Variants in SULF1 observed in about 807,000 individuals in gnomAD.
The protein encoded by SULF1 is sulfatase 1.
In SULF1, 46 loss-of-function variants were observed where a neutral mutation model predicts 110.5. That is an observed-to-expected ratio of 0.42 (90% CI 0.33 to 0.53). The LOEUF (loss-of-function observed/expected upper bound fraction) is 0.53, where lower values mean the gene tolerates loss of function less well. Ranked by LOEUF, SULF1 falls within the 20% of genes least tolerant of loss-of-function variation. SULF1 has a pLI of 0.12. For synonymous variants in SULF1, 371 were observed against 387.1 expected, an observed-to-expected ratio of 0.96 and a Z score of 0.49; for missense variants, 941 against 1,094.2, an observed-to-expected ratio of 0.86 and a Z score of 1.98.
rs1473563173 is a variant in SULF1, at chr8:69,605,500, T to G, written c.1377+568T>G. Among the ~76,000 whole-genome samples, 4 of 152,326 alleles carry G rather than the reference T, an allele frequency of 2.6e-5. No individual in the cohort carries two copies. In the South Asian group the frequency reaches 8.3e-4, roughly 32 times the overall value. Reference sequence around the variant, plus strand: ...CATTAGAATAGATCCTCTTCGTTAGTAGAAATATTACTATAGACCCCAGAG... The same window carrying G: ...CATTAGAATAGATCCTCTTCGTTAGGAGAAATATTACTATAGACCCCAGAG... On this transcript the variant is annotated intron_variant, in intron 13 of 22. Coordinates refer to ENST00000402687, the MANE Select transcript of SULF1 (RefSeq NM_001128205.2).
At chr8:69,543,223 T>C (rs1411489847) in intron 3 of SULF1, among the ~76,000 whole-genome samples, 2 of 152,100 alleles carry the variant, frequency 1.3e-5, no homozygotes, top group Admixed American at 6.5e-5. Flanking sequence ...TGTTGTTGTT[T>C]ATTTCTTTTA....
chr8:69,556,203 G>GA, intron 3 of SULF1, among the ~76,000 whole-genome samples: 1 of 152,268 alleles, frequency 6.6e-6, no homozygotes, highest in South Asian at 2.1e-4. Flanking sequence ...GGGTACTAGT[G>GA]AAATGTAATG....
chr8:69,468,948 C>A (rs552643679), intron 1 of SULF1, among the ~76,000 whole-genome samples: 7 of 152,198 alleles, frequency 4.6e-5, no homozygotes, highest in African/African-American at 1.7e-4. Context: ...AGGACTTTGA[C>A]AGTATGGGAC....
At chr8:69,566,519 A>T (rs1253953502) in intron 5 of SULF1, among the ~76,000 whole-genome samples, 2 of 151,922 alleles carry the variant, frequency 1.3e-5, no homozygotes, top group Non-Finnish European at 2.9e-5. Context: ...TTTGCCTTTA[A>T]CTCCTTCCTT....
In SULF1 at chr8:69,483,080, A is replaced by G. The variant is rs74475391; in HGVS notation, c.-390-12685A>G. On this transcript the variant is annotated intron_variant, in intron 1 of 22. Transcript: ENST00000260128. Reference sequence around the variant, plus strand: ...TCAAAGTATATCGGAAGATGTGTGTAGATTATATGCAAATATTATGTCATC... The same window carrying G: ...TCAAAGTATATCGGAAGATGTGTGTGGATTATATGCAAATATTATGTCATC... Among the ~76,000 whole-genome samples, 626 of 152,332 alleles carry G rather than the reference A, an allele frequency of 4.1e-3. 8 individuals are homozygous for G. Among genetic ancestry groups the G allele is most frequent in the Admixed American group, 0.026 (391 of 15,298 alleles).
At chr8:69,502,986 CTGCTTGATTTT>C (rs1810922776) in intron 3 of SULF1, among the ~76,000 whole-genome samples, 1 of 152,096 alleles carries the variant, frequency 6.6e-6, no homozygotes, top group African/African-American at 2.4e-5. Flanking sequence ...CACAACCAGC[CTGCTTGATTTT>C]TATTCTAAGC....
chr8:69,548,176 C>T (rs1263699873), intron 3 of SULF1, among the ~76,000 whole-genome samples: 1 of 152,162 alleles, frequency 6.6e-6, no homozygotes, highest in African/African-American at 2.4e-5. Flanking sequence ...AACAAGCCAC[C>T]TCCTGGTGTC....
chr8:69,516,466 T>G (rs4737281), intron 3 of SULF1, among the ~76,000 whole-genome samples: 79,693 of 151,864 alleles, frequency 0.52, 21,609 homozygotes, highest in South Asian at 0.65. Flanking sequence ...CATGATCAAA[T>G]TACCGCCTAC....
chr8:69,597,308 C>A (rs913880325), intron 8 of SULF1: 1 of 152,272 alleles, frequency 6.6e-6, no homozygotes, highest in Admixed American at 6.5e-5. Context: ...GACCTTCCAC[C>A]TGCAGGTCCC....
intron 5 of SULF1, among the ~76,000 whole-genome samples, chr8:69,572,938 C>A (rs916020993): frequency 6.6e-6 from 1 of 152,188 alleles, no homozygotes; most frequent in African/African-American, 2.4e-5. Context: ...AGCAATTCTC[C>A]TGCCTCAGCC....
intron 14 of SULF1, among the ~76,000 whole-genome samples, chr8:69,621,842 T>C (rs1809633269): frequency 6.6e-6 from 1 of 152,214 alleles, no homozygotes. Flanking sequence ...AACCTACGAT[T>C]ATATAAATGT....
intron 5 of SULF1, among the ~76,000 whole-genome samples, chr8:69,570,114 C>CCTTA (rs1236889250): frequency 6.6e-6 from 1 of 152,104 alleles, no homozygotes; most frequent in African/African-American, 2.4e-5. Context: ...AAAGCATTAG[C>CCTTA]CTTACTTCAT....
intron 3 of SULF1, among the ~76,000 whole-genome samples, chr8:69,548,070 C>G (rs983916069): frequency 6.6e-6 from 1 of 152,136 alleles, no homozygotes; most frequent in Non-Finnish European, 1.5e-5. Flanking sequence ...ATGATGCCCC[C>G]CTACACAAGC....
At chr8:69,581,281 T>C (rs1806045176) in intron 6 of SULF1, among the ~76,000 whole-genome samples, 1 of 152,246 alleles carries the variant, frequency 6.6e-6, no homozygotes, top group Non-Finnish European at 1.5e-5. Context: ...TATCTTTTGA[T>C]ACATTAAATA....
intron 8 of SULF1, among the ~76,000 whole-genome samples, chr8:69,590,308 C>T (rs1386235175): frequency 6.6e-6 from 1 of 152,104 alleles, no homozygotes; most frequent in African/African-American, 2.4e-5. Context: ...ACTACAGGCA[C>T]ACGCCACCAC....
At chr8:69,540,333 A>G (rs1813774103) in intron 3 of SULF1, among the ~76,000 whole-genome samples, 2 of 152,248 alleles carry the variant, frequency 1.3e-5, no homozygotes, top group Non-Finnish European at 2.9e-5. Flanking sequence ...TAGAGTATCT[A>G]ATATTTGTAA....
chr8:69,650,045 G>A (rs1295355432), intron 22 of SULF1, among the ~76,000 whole-genome samples: 3 of 128,138 alleles, frequency 2.3e-5, no homozygotes, highest in Non-Finnish European at 4.6e-5. Flanking sequence ...ACCCAGGCTG[G>A]AGTACAGTGT....
intron 1 of SULF1, among the ~76,000 whole-genome samples, chr8:69,486,476 C>T (rs899300821): frequency 6.6e-6 from 1 of 151,838 alleles, no homozygotes; most frequent in East Asian, 1.9e-4. Context: ...CATTTTCCTG[C>T]AATTTACACC....
chr8:69,628,030 G>T, intron 17 of SULF1, 141 bp from the exon 18 acceptor site: 1 of 903,370 alleles, frequency 1.1e-6, no homozygotes, highest in Non-Finnish European at 1.8e-6. Flanking sequence ...AACTTAAGCA[G>T]AAAGTAAAAA....
Sources: allele counts gnomAD v4.1 joint callset (sites outside exome capture counted in the v4.1 genomes callset), GRCh38; gene constraint gnomAD v4.1.1; transcripts MANE v1.5; gene names NCBI Gene and HGNC (gene_info 2026-07-23, HGNC 2026-07-21).